The following SLC44A5 variants were observed in gnomAD, a reference collection of about 807,000 sequenced individuals.
SLC44A5 encodes the protein choline transporter-like protein 5.
In SLC44A5, 57 loss-of-function variants were observed where a neutral mutation model predicts 101.8. That is an observed-to-expected ratio of 0.56 (90% CI 0.45 to 0.70). The LOEUF (loss-of-function observed/expected upper bound fraction) is 0.70, where lower values mean the gene tolerates loss of function less well. Ranked by LOEUF, SLC44A5 falls within the 30% of genes least tolerant of loss-of-function variation. SLC44A5 has a pLI of 0.00. For synonymous variants in SLC44A5, 281 were observed against 290.9 expected, an observed-to-expected ratio of 0.97 and a Z score of 0.35; for missense variants, 737 against 853.1, an observed-to-expected ratio of 0.86 and a Z score of 1.70.
chr1:75,497,455 G>A (rs1004186663), intron 2 of SLC44A5, among the ~76,000 whole-genome samples: 5 of 152,114 alleles, frequency 3.3e-5, no homozygotes, highest in African/African-American at 1.2e-4. Context: ...GAAGAAGAGA[G>A]TACAATGGTG....
chr1:75,659,383 GAAAGAAAGAAAGAA>G, the SLC44A5 span, among the ~76,000 whole-genome samples: 1 of 136,910 alleles, frequency 7.3e-6, no homozygotes, highest in Non-Finnish European at 1.6e-5. Context: ...AAAGAAAAAG[GAAAGAAAGAAAGAA>G]AAAGAAGGAA....
intron 2 of SLC44A5, among the ~76,000 whole-genome samples, chr1:75,439,032 G>C (rs944384324): frequency 6.6e-6 from 1 of 152,234 alleles, no homozygotes; most frequent in Non-Finnish European, 1.5e-5. Flanking sequence ...ACAACTTGAC[G>C]ATCCCCAGTG....
At chr1:75,432,385 A>T (rs1361958735) in intron 2 of SLC44A5, among the ~76,000 whole-genome samples, 2 of 152,190 alleles carry the variant, frequency 1.3e-5, no homozygotes, top group Non-Finnish European at 2.9e-5. Context: ...CAAAGTAAAC[A>T]AAGGGTCTCT....
rs759281453 is a variant in SLC44A5 at position 75,322,392 on chromosome 1, C to CT, written c.101+17189dup. Among the ~76,000 whole-genome samples, 952 of 146,878 alleles carry CT rather than the reference C, an allele frequency of 6.5e-3. 5 individuals are homozygous for CT. Among genetic ancestry groups the CT allele is most frequent in the African/African-American group, 0.024 (889 of 37,776 alleles). ...AATACATCCTTATTATTTGCTCCCT[C>CT]TTTTTAAAAAAAAAAAATCTCATTT... is the stretch of plus-strand genomic sequence containing the variant. On this transcript the variant is annotated intron_variant, in intron 4 of 23. Coordinates refer to ENST00000370859, the MANE Select transcript of SLC44A5 (RefSeq NM_001130058.2).
chr1:75,408,623 C>CCG (rs1399929081), intron 2 of SLC44A5, among the ~76,000 whole-genome samples: 3 of 151,970 alleles, frequency 2.0e-5, no homozygotes. Context: ...AAACCAAACA[C>CCG]CACATGTTCT....
At position 75,463,945 on chromosome 1, in the gene SLC44A5, G is replaced by A. The variant is rs556842683; in HGVS notation, c.14-67324C>T. 1.2e-4 allele frequency among the ~76,000 whole-genome samples: 18 copies of A among 152,120 alleles called. No homozygotes were observed. The East Asian group carries it at 2.1e-3, about 18-fold the overall frequency. ...AAGATATAAATAGAAACAAGAGGCCGGGCGCAGTGGCTCATGCCTGTAATC... is the reference window on the plus strand; with the variant it reads ...AAGATATAAATAGAAACAAGAGGCCAGGCGCAGTGGCTCATGCCTGTAATC... On this transcript the variant is annotated intron_variant, in intron 2 of 23. Coordinates refer to ENST00000370859, the MANE Select transcript of SLC44A5 (RefSeq NM_001130058.2).
intron 4 of SLC44A5, among the ~76,000 whole-genome samples, chr1:75,307,137 C>A (rs1247699102): frequency 1.3e-5 from 2 of 152,124 alleles, no homozygotes; most frequent in Non-Finnish European, 2.9e-5. Context: ...TCCTAAAAGT[C>A]ATTATTCTCT....
At chr1:75,658,308 TC>T in the SLC44A5 span, among the ~76,000 whole-genome samples, 1 of 152,058 alleles carries the variant, frequency 6.6e-6, no homozygotes, top group Non-Finnish European at 1.5e-5. Context: ...ACTCCTTGGC[TC>T]AAGCAATCCT....
At chr1:75,677,240 A>C in the SLC44A5 span, among the ~76,000 whole-genome samples, 1 of 152,234 alleles carries the variant, frequency 6.6e-6, no homozygotes, top group Non-Finnish European at 1.5e-5. Context: ...AAACTACTTG[A>C]GTAGAAGGGC....
intron 2 of SLC44A5, among the ~76,000 whole-genome samples, chr1:75,477,918 C>G (rs1449656730): frequency 2.0e-5 from 3 of 151,986 alleles, no homozygotes; most frequent in Non-Finnish European, 2.9e-5. Context: ...AAAGATACTC[C>G]TCGAGAACAG....
upstream of SLC44A5, among the ~76,000 whole-genome samples, chr1:75,614,275 T>C (rs992418530): frequency 3.9e-5 from 6 of 152,236 alleles, no homozygotes; most frequent in Non-Finnish European, 7.3e-5. Flanking sequence ...CGTGTATCTC[T>C]ATACCCATGC....
chr1:75,489,224 T>C (rs994369209), intron 2 of SLC44A5, among the ~76,000 whole-genome samples: 10 of 150,378 alleles, frequency 6.6e-5, no homozygotes, highest in Admixed American at 5.3e-4. Flanking sequence ...TACATGAATT[T>C]AGAGAGTAAT....
At chr1:75,286,802 T>C (rs530164459) in intron 5 of SLC44A5, among the ~76,000 whole-genome samples, 1 of 152,252 alleles carries the variant, frequency 6.6e-6, no homozygotes, top group East Asian at 1.9e-4. Flanking sequence ...GCTTGCAGGG[T>C]TTCTGCTGAG....
At chr1:75,674,331 G>A in the SLC44A5 span, among the ~76,000 whole-genome samples, 1 of 152,106 alleles carries the variant, frequency 6.6e-6, no homozygotes, top group Non-Finnish European at 1.5e-5. Context: ...AAGAATTAGT[G>A]AGCTTGAAGA....
intron 2 of SLC44A5, among the ~76,000 whole-genome samples, chr1:75,479,791 G>C (rs1173219749): frequency 1.3e-5 from 2 of 152,216 alleles, no homozygotes; most frequent in Non-Finnish European, 2.9e-5. Context: ...TCCAGGACCA[G>C]ATGGATTCAC....
At chr1:75,351,846 C>CAAAAAAAAA (rs71071942) in intron 3 of SLC44A5, among the ~76,000 whole-genome samples, 1 of 28,412 alleles carries the variant, frequency 3.5e-5, no homozygotes, top group African/African-American at 1.3e-4. Flanking sequence ...CACACTTTAC[C>CAAAAAAAAA]AAAAAAAAAA....
the SLC44A5 span, among the ~76,000 whole-genome samples, chr1:75,682,125 A>T: frequency 2.0e-5 from 3 of 152,236 alleles, no homozygotes; most frequent in African/African-American, 7.2e-5. Flanking sequence ...AAATGGAAGA[A>T]CATTCCATGC....
the SLC44A5 span, among the ~76,000 whole-genome samples, chr1:75,702,190 C>T: frequency 1.3e-5 from 2 of 152,122 alleles, no homozygotes; most frequent in African/African-American, 4.8e-5. Flanking sequence ...AAAAAGAGCC[C>T]GCATTGCCAA....
At chr1:75,636,401 T>C in the SLC44A5 span, among the ~76,000 whole-genome samples, 1 of 152,214 alleles carries the variant, frequency 6.6e-6, no homozygotes, top group South Asian at 2.1e-4. Context: ...ATAAGCAGAC[T>C]TGTAAGAGCA....
Sources: allele counts gnomAD v4.1 joint callset (sites outside exome capture counted in the v4.1 genomes callset), GRCh38; gene constraint gnomAD v4.1.1; transcripts MANE v1.5; gene names NCBI Gene and HGNC (gene_info 2026-07-23, HGNC 2026-07-21).